Variants in ZNRF3 observed in about 807,000 individuals in gnomAD.
The protein encoded by ZNRF3 is zinc and ring finger 3, also known as E3 ubiquitin-protein ligase ZNRF3.
ZNRF3 carries 23 observed loss-of-function variants against 72.5 expected under a neutral mutation model. That is an observed-to-expected ratio of 0.32 (90% confidence interval 0.23 to 0.45). The LOEUF (loss-of-function observed/expected upper bound fraction) is 0.45. Among genes scored for constraint, ZNRF3 ranks in the 20% least tolerant of loss-of-function variants. ZNRF3 has a pLI of 1.00. For missense variants in ZNRF3, 1,169 were observed against 1,272.1 expected (o/e 0.92, Z 1.23); for synonymous variants, 610 against 545.3 (o/e 1.12, Z -1.65).
intron 2 of ZNRF3, among the ~76,000 whole-genome samples, chr22:29,017,632 A>G (rs1020587766): frequency 2.0e-4 from 30 of 152,032 alleles, no homozygotes; most frequent in African/African-American, 7.3e-4. Context: ...TAGGGTGACC[A>G]TATCATTTGT....
rs78050747 is a variant in ZNRF3 at position 28,995,529 on chromosome 22, G to T, written c.426+8328G>T. Among the ~76,000 whole-genome samples the T allele has an allele frequency of 8.0e-4, 122 of 152,246 alleles. 2 individuals are homozygous for T. The South Asian group carries it at 0.021, about 27-fold the overall frequency. ...GATGGAGTGTGGTTGGTACTTAAAG[G>T]AAAAAGAACTCAGGAAGAATCCAGG... On this transcript the variant is annotated intron_variant, in intron 2 of 8. Coordinates refer to ENST00000544604, the MANE Select transcript of ZNRF3 (RefSeq NM_001206998.2).
At chr22:28,918,500 G>A (rs1001999128) in intron 1 of ZNRF3, among the ~76,000 whole-genome samples, 1 of 151,454 alleles carries the variant, frequency 6.6e-6, no homozygotes, top group African/African-American at 2.4e-5. Context: ...GCGTGTGTGT[G>A]TATGCACACG....
At position 29,057,116 on chromosome 22, in the gene ZNRF3, T is replaced by A. The variant is rs956879750; in HGVS notation, c.*3494T>A. 6.6e-6 allele frequency: 1 copy of A among 152,252 alleles called. No homozygotes were observed. The highest frequency in any genetic ancestry group is 1.5e-5 in the Non-Finnish European group (1 of 68,038). 9.4% of individuals were successfully genotyped at this position (152,252 alleles called of 1,614,324 possible). A position where few individuals can be genotyped will look rare whatever the true frequency, so the allele number is the denominator to read the frequency against. ...TTGTAAAGACCTTGCTGTAAAGATT[T>A]TGTAATAAAATGGTCTAAGGGCTCT... On this transcript the variant is annotated 3_prime_UTR_variant, in exon 9 of 9. Transcript: ENST00000544604.
At chr22:29,000,298 A>G (rs1321653074) in intron 2 of ZNRF3, among the ~76,000 whole-genome samples, 1 of 152,220 alleles carries the variant, frequency 6.6e-6, no homozygotes, top group Non-Finnish European at 1.5e-5. Flanking sequence ...GGTCTTTACT[A>G]TTTCACATTA....
At chr22:28,995,000 C>T (rs2036023381) in intron 2 of ZNRF3, among the ~76,000 whole-genome samples, 1 of 152,176 alleles carries the variant, frequency 6.6e-6, no homozygotes, top group Non-Finnish European at 1.5e-5. Flanking sequence ...CTTCTTTGTG[C>T]ATCAGGATGC....
chr22:28,914,982 G>A (rs2034384381), intron 1 of ZNRF3, among the ~76,000 whole-genome samples: 1 of 152,126 alleles, frequency 6.6e-6, no homozygotes, highest in South Asian at 2.1e-4. Flanking sequence ...CCCATCCCCT[G>A]TCATACCCCC....
At chr22:29,006,218 T>C (rs1414028806) in intron 2 of ZNRF3, among the ~76,000 whole-genome samples, 4 of 148,500 alleles carry the variant, frequency 2.7e-5, no homozygotes, top group Middle Eastern at 3.4e-3. Context: ...CGTTTCTTTT[T>C]TTTTTTTTTT....
intron 1 of ZNRF3, among the ~76,000 whole-genome samples, chr22:28,964,349 A>G (rs535407572): frequency 1.3e-5 from 2 of 152,322 alleles, no homozygotes; most frequent in African/African-American, 4.8e-5. Context: ...ATTTATTCCT[A>G]GAAAGCTCAC....
In ZNRF3 at chr22:28,897,575, C is replaced by A. The variant is rs528583374; in HGVS notation, c.300+13509C>A. Among the ~76,000 whole-genome samples, 10 of 152,394 alleles carry A rather than the reference C, an allele frequency of 6.6e-5. No homozygotes were observed. The East Asian group carries it at 1.9e-3, about 29-fold the overall frequency. On this transcript the variant is annotated intron_variant, in intron 1 of 8. Transcript: ENST00000544604. ...AGCTCAAGCAATCCACCTGCCTCAA[C>A]TCCCAAAGTGCTGGGATTACTGGCG...
chr22:29,010,375 C>G (rs1569280196), intron 2 of ZNRF3, among the ~76,000 whole-genome samples: 2 of 151,878 alleles, frequency 1.3e-5, no homozygotes, highest in Non-Finnish European at 2.9e-5. Context: ...TGGCTTCTTT[C>G]ACGTGGCATA....
intron 1 of ZNRF3, among the ~76,000 whole-genome samples, chr22:28,984,871 C>T (rs2035826633): frequency 6.6e-6 from 1 of 152,350 alleles, no homozygotes; most frequent in Non-Finnish European, 1.5e-5. Context: ...CACCGCAGAA[C>T]CTCCATTGGC....
chr22:28,943,633 C>T (rs1274044357), intron 1 of ZNRF3, among the ~76,000 whole-genome samples: 1 of 151,946 alleles, frequency 6.6e-6, no homozygotes, highest in African/African-American at 2.4e-5. Flanking sequence ...ACTGAAGCTA[C>T]TTGATTTACT....
chr22:28,929,416 C>T (rs1033714070), intron 1 of ZNRF3, among the ~76,000 whole-genome samples: 4 of 152,126 alleles, frequency 2.6e-5, no homozygotes, highest in Admixed American at 6.5e-5. Flanking sequence ...ACCCACAGGA[C>T]GCCAGTAGCA....
chr22:29,002,708 C>CTG (rs2036170419), intron 2 of ZNRF3, among the ~76,000 whole-genome samples: 1 of 152,194 alleles, frequency 6.6e-6, no homozygotes, highest in African/African-American at 2.4e-5. Context: ...TAAGCAGGAT[C>CTG]TGTGCTCCTA....
chr22:28,899,948 C>T (rs2034073310), intron 1 of ZNRF3, among the ~76,000 whole-genome samples: 1 of 152,142 alleles, frequency 6.6e-6, no homozygotes, highest in Admixed American at 6.5e-5. Context: ...TTTACTTTTG[C>T]AAGGCTGTTT....
intron 1 of ZNRF3, among the ~76,000 whole-genome samples, chr22:28,890,446 GC>G (rs1420947850): frequency 2.6e-5 from 4 of 152,172 alleles, no homozygotes; most frequent in African/African-American, 4.8e-5. Flanking sequence ...GTTACAGTAA[GC>G]CGAGATCACG....
intron 5 of ZNRF3, among the ~76,000 whole-genome samples, chr22:29,046,390 T>C (rs1254845189): frequency 2.0e-5 from 3 of 152,214 alleles, no homozygotes; most frequent in East Asian, 3.8e-4. Flanking sequence ...GGAGGAACGC[T>C]TGGCGTAGAA....
At chr22:28,947,920 C>T (rs184990502) in intron 1 of ZNRF3, among the ~76,000 whole-genome samples, 3 of 152,066 alleles carry the variant, frequency 2.0e-5, no homozygotes, top group Admixed American at 2.0e-4. Flanking sequence ...TCTCGACTCA[C>T]TGCAATCTCC....
Position 29,049,681 on chromosome 22 carries a change from T to C in ZNRF3, c.1500T>C (p.Pro500=). 3.1e-6 allele frequency: 5 copies of C among 1,608,002 alleles called. No individual in the cohort carries two copies. The highest frequency in any genetic ancestry group is 3.4e-6 in the Non-Finnish European group (4 of 1,179,094). ...CCCGGGGCCCGGCCCGTGCCTTTCCTCCGAGCGGCAGTGGCAGCCTGCTCT... is the reference window on the plus strand; with the variant it reads ...CCCGGGGCCCGGCCCGTGCCTTTCCCCCGAGCGGCAGTGGCAGCCTGCTCT... ...LAPRGPARAF[P]PSGSGSLLFP... The change falls in exon 8 of 9, where the codon CCT becomes CCC. Residue 500 remains proline (P), a synonymous_variant. Transcript: ENST00000544604. The surrounding 1 kb of genome is among the most constrained non-coding windows in gnomAD (Gnocchi z 5.2).
Sources: allele counts gnomAD v4.1 joint callset (sites outside exome capture counted in the v4.1 genomes callset), GRCh38; gene constraint gnomAD v4.1.1; non-coding constraint Gnocchi (gnomAD v3.1); transcripts MANE v1.5; gene names NCBI Gene and HGNC (gene_info 2026-07-23, HGNC 2026-07-21).